Variants in NFYC observed in about 807,000 individuals in gnomAD.
NFYC encodes CAAT box DNA-binding protein subunit C.
Under a neutral mutation model 53.1 loss-of-function variants are expected in NFYC, and 25 were observed. The ratio of observed to expected loss-of-function variants is 0.47; its 90% CI spans 0.34 to 0.66. The LOEUF is 0.66. Ranked by LOEUF, NFYC falls within the 30% of genes least tolerant of loss-of-function variation. The pLI, the probability that NFYC is intolerant of heterozygous loss-of-function variation, is 0.01. For missense variants in NFYC, 260 were observed against 422.7 expected, an observed-to-expected ratio of 0.62 and a Z score of 3.38; for synonymous variants, 145 against 152.6, an observed-to-expected ratio of 0.95 and a Z score of 0.37.
chr1:40,722,652 T>G (rs756023452), intron 1 of NFYC, among the ~76,000 whole-genome samples: 10 of 152,236 alleles, frequency 6.6e-5, no homozygotes, highest in Non-Finnish European at 1.0e-4. Flanking sequence ...TTCTAACATG[T>G]GTTTTACCAT....
At chr1:40,766,495 T>A (rs984060531) in intron 7 of NFYC, 101 bp from the exon 8 acceptor site, 1 of 838,746 alleles carries the variant, frequency 1.2e-6, no homozygotes, top group Non-Finnish European at 1.9e-6. Flanking sequence ...TTGGAGGGCT[T>A]GAGGGGTAGG....
chr1:40,712,697 G>A (rs1373409392), intron 1 of NFYC: 2 of 110,970 alleles, frequency 1.8e-5, no homozygotes, highest in East Asian at 5.8e-4. Flanking sequence ...ACGAGGTCTC[G>A]CTCTGTTGCC....
chr1:40,757,763 C>T (rs373265666), intron 5 of NFYC, among the ~76,000 whole-genome samples: 4 of 152,326 alleles, frequency 2.6e-5, no homozygotes, highest in African/African-American at 4.8e-5. Flanking sequence ...CCAACACTTG[C>T]AATTAGCACT....
rs142421058 is a variant in NFYC, at chr1:40,741,074, A to G, written c.105+2126A>G. On this transcript the variant is annotated intron_variant, in intron 2 of 9. Transcript: ENST00000447388. ...TCATATTGCAGTACTGAAACTGTGC[A>G]CTCAATAAACAGCCACCATTCTGCT... 5.6e-4 allele frequency among the ~76,000 whole-genome samples: 86 copies of G among 152,242 alleles called. 1 individual carries two copies. Among genetic ancestry groups the G allele is most frequent in the African/African-American group, 2.1e-3 (86 of 41,524 alleles).
chr1:40,759,927 GA>G (rs201053182), intron 6 of NFYC, among the ~76,000 whole-genome samples: 2 of 149,960 alleles, frequency 1.3e-5, no homozygotes, highest in Admixed American at 1.3e-4. Flanking sequence ...TTGCCTAGAA[GA>G]AAAAAAAATG....
At chr1:40,717,148 A>C (rs1198605457) in intron 1 of NFYC, among the ~76,000 whole-genome samples, 3 of 151,958 alleles carry the variant, frequency 2.0e-5, no homozygotes, top group Non-Finnish European at 4.4e-5. Flanking sequence ...CTAGGGGACA[A>C]ACAGGAGAGA....
At chr1:40,710,383 T>G (rs1175647999) in intron 1 of NFYC, among the ~76,000 whole-genome samples, 1 of 152,214 alleles carries the variant, frequency 6.6e-6, no homozygotes, top group Non-Finnish European at 1.5e-5. Context: ...ATAGGAAAGT[T>G]AAGAGTATAG....
At position 40,754,819 on chromosome 1, in the gene NFYC, TACAGC is replaced by T. The variant is rs1485137055; in HGVS notation, c.387+1574_387+1578del. 4.9e-3 allele frequency among the ~76,000 whole-genome samples: 753 copies of T among 152,300 alleles called. 4 individuals are homozygous for T. The highest frequency in any genetic ancestry group is 0.018 in the African/African-American group (729 of 41,560). On this transcript the variant is annotated intron_variant, in intron 5 of 9. Transcript: ENST00000447388. ...TGCTTCTGGGTCTCTCGGGGTGTCATACAGCTCCTTATTCCATCTTAGCCAGACTC... is the reference window on the plus strand; with the variant it reads ...TGCTTCTGGGTCTCTCGGGGTGTCATTCCTTATTCCATCTTAGCCAGACTC...
chr1:40,718,849 C>A (rs756548349), intron 1 of NFYC, among the ~76,000 whole-genome samples: 7 of 152,090 alleles, frequency 4.6e-5, no homozygotes, highest in Non-Finnish European at 7.4e-5. Flanking sequence ...TTAGATGAAT[C>A]ATGGTGGTTT....
chr1:40,702,871 C>T (rs575792681), intron 1 of NFYC, among the ~76,000 whole-genome samples: 27 of 152,154 alleles, frequency 1.8e-4, no homozygotes, highest in Middle Eastern at 3.4e-3. Flanking sequence ...GGCCGGAGTG[C>T]AGTGGCATGA....
chr1:40,733,715 G>T (rs1207953905), intron 1 of NFYC, among the ~76,000 whole-genome samples: 4 of 150,734 alleles, frequency 2.7e-5, no homozygotes, highest in African/African-American at 7.3e-5. Context: ...ACTTACACGT[G>T]TGTGCCACAA....
chr1:40,747,435 A>G, intron 2 of NFYC, 99 bp from the exon 3 acceptor site: 1 of 773,888 alleles, frequency 1.3e-6, no homozygotes, highest in Non-Finnish European at 2.2e-6. Flanking sequence ...ACGCTTCCTG[A>G]AGAGAGGGAC....
chr1:40,767,812 AC>A (rs1171603028), intron 8 of NFYC, among the ~76,000 whole-genome samples: 2 of 152,070 alleles, frequency 1.3e-5, no homozygotes, highest in African/African-American at 4.8e-5. Flanking sequence ...AACCGTTTCC[AC>A]TAAAAATACA....
At chr1:40,757,249 C>T (rs760058673) in intron 5 of NFYC, 2 of 483,600 alleles carry the variant, frequency 4.1e-6, no homozygotes, top group Non-Finnish European at 8.9e-6. Flanking sequence ...TGTCAGTGGT[C>T]AGGGGCTGAT....
chr1:40,768,857 C>T lies in NFYC; in HGVS notation c.829-499C>T, dbSNP rs60202823. On this transcript the variant is annotated intron_variant, in intron 8 of 9. Coordinates refer to ENST00000447388, the MANE Select transcript of NFYC (RefSeq NM_014223.5). ...CCATGAGGACTGCTGGGACCAAGGC[C>T]ACTTGCTCGCCAGGGTGTTTCATAT... is the stretch of plus-strand genomic sequence containing the variant. 6.2e-3 allele frequency: 973 copies of T among 156,496 alleles called. 12 individuals are homozygous for T. The highest frequency in any genetic ancestry group is 0.022 in the African/African-American group (920 of 41,604). 9.7% of individuals were successfully genotyped at this position (156,496 alleles called of 1,614,324 possible).
At chr1:40,709,718 A>G (rs1643874935) in intron 1 of NFYC, 1 of 152,176 alleles carries the variant, frequency 6.6e-6, no homozygotes, top group Admixed American at 6.5e-5. Flanking sequence ...TTTACATTCC[A>G]TGCATACCTT....
chr1:40,745,303 A>G (rs1645553591), intron 2 of NFYC, among the ~76,000 whole-genome samples: 1 of 152,244 alleles, frequency 6.6e-6, no homozygotes, highest in African/African-American at 2.4e-5. Flanking sequence ...GCACACTTGC[A>G]AGAGAGCTAA....
At chr1:40,744,038 G>T (rs955681505) in intron 2 of NFYC, among the ~76,000 whole-genome samples, 1 of 152,194 alleles carries the variant, frequency 6.6e-6, no homozygotes, top group Non-Finnish European at 1.5e-5. Flanking sequence ...CCACAGACCG[G>T]TATGGGTCCA....
chr1:40,733,189 A>G (rs1270102502), intron 1 of NFYC, among the ~76,000 whole-genome samples: 2 of 151,988 alleles, frequency 1.3e-5, no homozygotes, highest in Non-Finnish European at 2.9e-5. Context: ...TAAGACATAC[A>G]CATTGATGTG....
Sources: allele counts gnomAD v4.1 joint callset (sites outside exome capture counted in the v4.1 genomes callset), GRCh38; gene constraint gnomAD v4.1.1; transcripts MANE v1.5; gene names NCBI Gene and HGNC (gene_info 2026-07-23, HGNC 2026-07-21).